Variants in PCDHGA10 observed in about 807,000 individuals in gnomAD.
The protein encoded by PCDHGA10 is protocadherin gamma-A10.
In PCDHGA10, 42 loss-of-function variants were observed where a neutral mutation model predicts 59.5. The observed-to-expected ratio is 0.71, with a 90% CI of 0.55 to 0.91. The LOEUF is 0.91. PCDHGA10 is among the 40% of genes least tolerant of loss of function. The probability of loss-of-function intolerance (pLI) is 0.00; values close to 1 mark genes in which losing one functional copy is unlikely to be tolerated. For missense variants in PCDHGA10, 1,111 were observed against 1,198.2 expected (o/e 0.93, Z 1.07); for synonymous variants, 511 against 517.2 (o/e 0.99, Z 0.16).
chr5:141,415,006 C>A lies in PCDHGA10; in HGVS notation c.1831C>A (p.Arg611Ser), dbSNP rs1353721901. ...CGGCCAGAACGCCTGGCTGTCCTACCGTCTGCTCAAGGCCAGCGAGCCGGG... is the reference window on the plus strand; with the variant it reads ...CGGCCAGAACGCCTGGCTGTCCTACAGTCTGCTCAAGGCCAGCGAGCCGGG... ...DSGQNAWLSY[R>S]LLKASEPGLF... Residue 611 changes from arginine (R) to serine (S), a missense_variant, in exon 1 of 4, where the codon CGT becomes AGT. Transcript: ENST00000398610. The A allele has an allele frequency of 6.2e-7, 1 of 1,613,652 alleles. No homozygotes were observed. The highest frequency in any genetic ancestry group is 8.5e-7 in the Non-Finnish European group (1 of 1,180,026).
intron 1 of PCDHGA10, chr5:141,417,867 G>C (rs1182017096): frequency 1.9e-6 from 3 of 1,552,610 alleles, no homozygotes; most frequent in African/African-American, 2.7e-5. Flanking sequence ...ACGATGGGAG[G>C]GAGCTGCGCG....
rs1193095881 is a variant in PCDHGA10 at position 141,490,273 on chromosome 5, G to T, written c.2437-4534G>T. On this transcript the variant is annotated intron_variant, in intron 1 of 3. Coordinates refer to ENST00000398610, the MANE Select transcript of PCDHGA10 (RefSeq NM_018913.3). This position sits in a 1 kb window ranked among gnomAD's most constrained non-coding sequence, Gnocchi z 5.4. ...TCAAGTGGATGTGGGGGATGTCAAT[G>T]ACAATGCCCCAGAGGTGCTATTGGC... 6.2e-7 allele frequency: 1 copy of T among 1,614,108 alleles called. No homozygotes were observed. The highest frequency in any genetic ancestry group is 8.5e-7 in the Non-Finnish European group (1 of 1,180,052).
chr5:141,505,591 G>C (rs2099846959), intron 3 of PCDHGA10, 110 bp downstream of exon 3: 2 of 1,570,280 alleles, frequency 1.3e-6, no homozygotes, highest in African/African-American at 2.7e-5. Flanking sequence ...AGTTTCTCCA[G>C]ATCTTTCGGC....
Position 141,487,870 on chromosome 5 carries a change from C to A in PCDHGA10, c.2437-6937C>A. On this transcript the variant is annotated intron_variant, in intron 1 of 3. Transcript: ENST00000398610. This position sits in a 1 kb window ranked among gnomAD's most constrained non-coding sequence, Gnocchi z 5.0. ...AATGAAAGTAATTGGTGATCAAGAGCCAGGCTGTTGTGGAAGCATGATGAT... is the reference window on the plus strand; with the variant it reads ...AATGAAAGTAATTGGTGATCAAGAGACAGGCTGTTGTGGAAGCATGATGAT... 3.5e-6 allele frequency: 3 copies of A among 865,052 alleles called. No individual in the cohort carries two copies. The highest frequency in any genetic ancestry group is 5.3e-6 in the Non-Finnish European group (3 of 568,628). The allele number at this position is 865,052 out of a possible 1,614,324, so 53.6% of individuals were successfully genotyped here.
chr5:141,430,015 T>G (rs2097256653), intron 1 of PCDHGA10, among the ~76,000 whole-genome samples: 1 of 152,236 alleles, frequency 6.6e-6, no homozygotes, highest in South Asian at 2.1e-4. Context: ...TTCACTTGGG[T>G]TCTTGTTAAG....
chr5:141,494,773 G>C, intron 1 of PCDHGA10, 34 bp from the exon 2 acceptor site: 1 of 1,613,966 alleles, frequency 6.2e-7, no homozygotes, highest in Non-Finnish European at 8.5e-7. Context: ...CTTCTCACGG[G>C]TACTCAGCCC....
Position 141,415,461 on chromosome 5 carries a change from T to G in PCDHGA10, c.2286T>G (p.Ser762=). Residue 762 remains serine, a synonymous_variant, in exon 1 of 4, where the codon TCT becomes TCG. Transcript: ENST00000398610. ...TGCAGACCTATTCCCACGAGGTCTCTCTCACCGCGGACTCGCGAAAGAGTC... is the reference window on the plus strand; with the variant it reads ...TGCAGACCTATTCCCACGAGGTCTCGCTCACCGCGGACTCGCGAAAGAGTC... ...AFLQTYSHEV[S]LTADSRKSHL... 6.2e-7 allele frequency: 1 copy of G among 1,614,180 alleles called. No homozygotes were observed. Among genetic ancestry groups the G allele is most frequent in the African/African-American group, 1.3e-5 (1 of 75,042 alleles).
chr5:141,462,375 T>G (rs2099038282), intron 1 of PCDHGA10, among the ~76,000 whole-genome samples: 1 of 152,252 alleles, frequency 6.6e-6, no homozygotes, highest in Non-Finnish European at 1.5e-5. Context: ...TTCTATTCTT[T>G]TAAATTCGTT....
chr5:141,424,005 C>A, intron 1 of PCDHGA10: 1 of 1,070,322 alleles, frequency 9.3e-7, no homozygotes. Context: ...TATATAGATA[C>A]AAATTAATGA....
chr5:141,418,477 C>G (rs2154547707), intron 1 of PCDHGA10: 1 of 1,614,016 alleles, frequency 6.2e-7, no homozygotes, highest in Non-Finnish European at 8.5e-7. Context: ...AAACGCAGAG[C>G]GCTCACCACT....
chr5:141,489,085 G>A lies in PCDHGA10; in HGVS notation c.2437-5722G>A, dbSNP rs1347512723. The A allele has an allele frequency of 2.6e-5, 6 of 230,066 alleles. No homozygotes were observed. The South Asian group carries it at 4.3e-4, about 16-fold the overall frequency. 14.3% of individuals were successfully genotyped at this position (230,066 alleles called of 1,614,324 possible). A position where few individuals can be genotyped will look rare whatever the true frequency, so the allele number is the denominator to read the frequency against. Reference sequence around the variant, plus strand: ...TCCCCCCTGCCCACCCCCGCCACTCGGTGACTAAGAACTGCTGCAAGCAGG... The same window carrying A: ...TCCCCCCTGCCCACCCCCGCCACTCAGTGACTAAGAACTGCTGCAAGCAGG... On this transcript the variant is annotated intron_variant, in intron 1 of 3. Coordinates refer to ENST00000398610, the MANE Select transcript of PCDHGA10 (RefSeq NM_018913.3). The surrounding 1 kb of genome is among the most constrained non-coding windows in gnomAD (Gnocchi z 4.5).
chr5:141,419,561 G>T, intron 1 of PCDHGA10: 1 of 1,611,846 alleles, frequency 6.2e-7, no homozygotes. Flanking sequence ...CCCTGCGCTG[G>T]GTCCCGACGG....
intron 1 of PCDHGA10, chr5:141,422,560 G>T (rs2096656228): frequency 6.2e-7 from 1 of 1,614,032 alleles, no homozygotes; most frequent in East Asian, 2.2e-5. Context: ...GAATGTGGCA[G>T]ATGACAACGA....
chr5:141,464,583 C>T (rs768431243), intron 1 of PCDHGA10, among the ~76,000 whole-genome samples: 6 of 152,024 alleles, frequency 3.9e-5, no homozygotes, highest in Admixed American at 2.0e-4. Context: ...TGAGAATGTC[C>T]ATTGTCCCAT....
At chr5:141,421,941 T>C (rs186605459) in intron 1 of PCDHGA10, 2 of 1,613,456 alleles carry the variant, frequency 1.2e-6, no homozygotes, top group East Asian at 4.5e-5. Context: ...ATGTAAATGA[T>C]CACATCCCAA....
In PCDHGA10 at chr5:141,486,128, G is replaced by C. The variant is rs1447222839; in HGVS notation, c.2437-8679G>C. ...TGAGAGTGAGAATTACTATGAATTT[G>C]ATGTGCGGGCTCGCGATGGGGGTTC... is the stretch of plus-strand genomic sequence containing the variant. On this transcript the variant is annotated intron_variant, in intron 1 of 3. Transcript: ENST00000398610. This position sits in a 1 kb window ranked among gnomAD's most constrained non-coding sequence, Gnocchi z 5.0. 6.2e-7 allele frequency: 1 copy of C among 1,614,066 alleles called. No homozygotes were observed. Among genetic ancestry groups the C allele is most frequent in the Non-Finnish European group, 8.5e-7 (1 of 1,180,034 alleles).
intron 2 of PCDHGA10, among the ~76,000 whole-genome samples, chr5:141,497,894 A>AG (rs1562181617): frequency 2.0e-5 from 3 of 152,186 alleles, no homozygotes; most frequent in Admixed American, 6.5e-5. Context: ...GATCTAGTCC[A>AG]GTAACTTCAA....
intron 1 of PCDHGA10, chr5:141,423,648 G>A (rs1291261924): frequency 2.5e-6 from 4 of 1,590,008 alleles, no homozygotes; most frequent in Middle Eastern, 1.7e-4. Flanking sequence ...AATGTGACCC[G>A]ACAAGTAATC....
intron 1 of PCDHGA10, among the ~76,000 whole-genome samples, chr5:141,452,350 A>G (rs1355934993): frequency 6.6e-6 from 1 of 152,212 alleles, no homozygotes; most frequent in Admixed American, 6.5e-5. Context: ...CCATTTATCC[A>G]AAAGCCTTGC....
Sources: gnomAD v4.1 joint callset for allele counts (sites outside exome capture counted in the v4.1 genomes callset) on GRCh38, gnomAD v4.1.1 for gene constraint, Gnocchi (gnomAD v3.1) non-coding constraint, MANE v1.5 for transcripts, NCBI Gene and HGNC (gene_info 2026-07-23, HGNC 2026-07-21) for gene names.